The following BNIP2 variants were observed in gnomAD, a reference collection of about 807,000 sequenced individuals.
BNIP2 encodes the protein BCL2/adenovirus E1B 19 kDa protein-interacting protein 2.
BNIP2 carries 36 observed loss-of-function variants against 43.4 expected under a neutral mutation model. That is an observed-to-expected ratio of 0.83 (90% confidence interval 0.64 to 1.10). The LOEUF is 1.10. Among genes scored for constraint, BNIP2 ranks in the 50% least tolerant of loss-of-function variants. The pLI is 0.00. For missense variants in BNIP2, 417 were observed against 374.1 expected (o/e 1.11, Z -0.95); for synonymous variants, 146 against 121.0 (o/e 1.21, Z -1.35).
rs536611243 is a variant in BNIP2, at chr15:59,681,416, G to GT, written c.50+991dup. On this transcript the variant is annotated intron_variant, in intron 2 of 9. Coordinates refer to ENST00000607373, the MANE Select transcript of BNIP2 (RefSeq NM_004330.4). ...AATCCTTATTAATTTACTTAGTAAGGTTTTTTTTTTTTTGGTGGGGGGGAA... is the reference window on the plus strand; with the variant it reads ...AATCCTTATTAATTTACTTAGTAAGGTTTTTTTTTTTTTTGGTGGGGGGGAA... Among the ~76,000 whole-genome samples, 794 of 138,242 alleles carry GT rather than the reference G, an allele frequency of 5.7e-3. 1 individual carries two copies. Among genetic ancestry groups the GT allele is most frequent in the African/African-American group, 0.014 (539 of 37,946 alleles). 90.7% of individuals were successfully genotyped at this position (138,242 alleles called of 152,430 possible). A position where few individuals can be genotyped will look rare whatever the true frequency, so the allele number is the denominator to read the frequency against.
At chr15:59,668,215 T>C in intron 9 of BNIP2, 1 of 909,448 alleles carries the variant, frequency 1.1e-6, no homozygotes, top group South Asian at 1.6e-5. Flanking sequence ...CTACTAAAAA[T>C]AAACTCATTT....
chr15:59,678,780 T>C (rs1411410434), intron 4 of BNIP2: 76 of 1,302,852 alleles, frequency 5.8e-5, no homozygotes, highest in Middle Eastern at 4.2e-4. Flanking sequence ...ACCTACTGCA[T>C]GTTAGTTGTT....
chr15:59,678,218 T>A (rs1031169810), intron 4 of BNIP2, 131 bp from the exon 5 acceptor site: 11 of 1,392,308 alleles, frequency 7.9e-6, no homozygotes, highest in Non-Finnish European at 1.0e-5. Context: ...CAATCTCTCT[T>A]CCATAAAGGA....
intron 1 of BNIP2, among the ~76,000 whole-genome samples, chr15:59,683,169 C>T (rs1893801287): frequency 6.6e-6 from 1 of 152,112 alleles, no homozygotes; most frequent in Non-Finnish European, 1.5e-5. Context: ...TATGCAACTA[C>T]GTATTTTAAC....
Position 59,662,249 on chromosome 15 carries a change from T to C in BNIP2, c.*1820A>G, listed in dbSNP as rs1307833820. ...GACTACGTTAAATCGTCTACAAATA[T>C]AGAATCTAATGACAAATTCAATATA... On this transcript the variant is annotated 3_prime_UTR_variant, in exon 10 of 10. Transcript: ENST00000607373. 6.6e-6 allele frequency: 1 copy of C among 152,250 alleles called. No homozygotes were observed. The highest frequency in any genetic ancestry group is 1.5e-5 in the Non-Finnish European group (1 of 68,042). The allele number at this position is 152,250 out of a possible 1,614,324, so 9.4% of individuals were successfully genotyped here. A position where few individuals can be genotyped will look rare whatever the true frequency, so the allele number is the denominator to read the frequency against.
rs1351230556 is a variant in BNIP2, at chr15:59,662,455, C to G, written c.*1614G>C. The G allele has an allele frequency of 1.3e-5, 2 of 152,206 alleles. No individual in the cohort carries two copies. The highest frequency in any genetic ancestry group is 4.8e-5 in the African/African-American group (2 of 41,456). The allele number at this position is 152,206 out of a possible 1,614,324, so 9.4% of individuals were successfully genotyped here. A position where few individuals can be genotyped will look rare whatever the true frequency, so the allele number is the denominator to read the frequency against. ...AAGAGCTGCTGGATCTGAGTTAAGT[C>G]AGGAGGCTGCTGAGGAATGTTTCAT... On this transcript the variant is annotated 3_prime_UTR_variant, in exon 10 of 10. Transcript: ENST00000607373.
At chr15:59,680,163 T>C in intron 3 of BNIP2, 78 bp downstream of exon 3, 1 of 1,156,756 alleles carries the variant, frequency 8.6e-7, no homozygotes, top group Non-Finnish European at 1.2e-6. Context: ...AGTTTTTTTT[T>C]TTTTTGGACA....
Position 59,664,112 on chromosome 15 carries a change from T to C in BNIP2, c.902A>G (p.Gln301Arg), listed in dbSNP as rs1407648483. ...GIPECIKQVD[Q>R]ELNGKQDEPK... ...TTCATCTTGTTTTCCATTAAGTTCT[T>C]GATCAACTCTGTTTAATGAAGAATA... The change falls in exon 10 of 10, where the codon CAA (glutamine) becomes CGA (arginine). Residue 301 changes from glutamine to arginine, a missense_variant. By Grantham distance (43) the Gln-to-Arg change is conservative. Transcript: ENST00000607373. 1.1e-5 allele frequency: 17 copies of C among 1,541,924 alleles called. No individual in the cohort carries two copies. Among genetic ancestry groups the C allele is most frequent in the Non-Finnish European group, 1.4e-5 (16 of 1,140,060 alleles).
intron 1 of BNIP2, among the ~76,000 whole-genome samples, chr15:59,685,008 A>C (rs1306804667): frequency 2.0e-5 from 3 of 152,210 alleles, no homozygotes; most frequent in Non-Finnish European, 4.4e-5. Context: ...ATTAAACTAC[A>C]TGAATAGGAT....
At chr15:59,674,782 T>C (rs1893162102) in intron 5 of BNIP2, among the ~76,000 whole-genome samples, 2 of 152,208 alleles carry the variant, frequency 1.3e-5, no homozygotes, top group South Asian at 4.1e-4. Flanking sequence ...ATTTACAATG[T>C]GCCTAGGTTA....
At chr15:59,665,380 G>C (rs1461892593) in intron 9 of BNIP2, 1 of 152,548 alleles carries the variant, frequency 6.6e-6, no homozygotes, top group Non-Finnish European at 1.5e-5. Context: ...GGAAGGCCGA[G>C]GCGGGCGGAC....
intron 5 of BNIP2, 50 bp downstream of exon 5, chr15:59,677,861 G>T (rs1595700473): frequency 6.5e-7 from 1 of 1,527,678 alleles, no homozygotes; most frequent in Non-Finnish European, 8.8e-7. Context: ...AAAAAAAAAA[G>T]AATTCTGATA....
intron 3 of BNIP2, 86 bp downstream of exon 3, chr15:59,680,155 T>G (rs1893569152): frequency 5.0e-6 from 2 of 400,412 alleles, no homozygotes; most frequent in South Asian, 5.8e-5. Flanking sequence ...AAAACTCAAG[T>G]TTTTTTTTTT....
intron 8 of BNIP2, 41 bp downstream of exon 8, chr15:59,669,235 T>C (rs764026317): frequency 7.4e-7 from 1 of 1,350,586 alleles, no homozygotes; most frequent in East Asian, 2.5e-5. Context: ...AATAAATAAA[T>C]AAAAAAAATA....
At chr15:59,667,973 G>T in intron 9 of BNIP2, 1 of 501,464 alleles carries the variant, frequency 2.0e-6, no homozygotes, top group Non-Finnish European at 3.2e-6. Flanking sequence ...CCTGTATTTG[G>T]AAGTTGGGGT....
chr15:59,683,203 G>T (rs1893804049), intron 1 of BNIP2, among the ~76,000 whole-genome samples: 1 of 122,092 alleles, frequency 8.2e-6, no homozygotes, highest in African/African-American at 3.2e-5. Flanking sequence ...TTTAGTTTTA[G>T]TTTTTCCAAG....
chr15:59,689,009 A>G, intron 1 of BNIP2, 126 bp downstream of exon 1: 1 of 1,443,804 alleles, frequency 6.9e-7, no homozygotes, highest in Non-Finnish European at 9.0e-7. Flanking sequence ...CCCCCTACCA[A>G]GGGTAACTCT....
intron 5 of BNIP2, among the ~76,000 whole-genome samples, chr15:59,675,885 T>C (rs896993905): frequency 1.3e-5 from 2 of 152,206 alleles, no homozygotes; most frequent in African/African-American, 4.8e-5. Flanking sequence ...TTTTAGTTAC[T>C]ATATATGAAA....
intron 7 of BNIP2, 27 bp downstream of exon 7, chr15:59,671,156 C>T: frequency 6.6e-7 from 1 of 1,525,864 alleles, no homozygotes; most frequent in South Asian, 1.3e-5. Flanking sequence ...TTTTTTCAGA[C>T]TAGCTTTCAA....
Sources: gnomAD v4.1 joint callset for allele counts (sites outside exome capture counted in the v4.1 genomes callset) on GRCh38, gnomAD v4.1.1 for gene constraint, MANE v1.5 for transcripts, NCBI Gene and HGNC (gene_info 2026-07-23, HGNC 2026-07-21) for gene names.